RPS6KA2: variants seen among roughly 807,000 people sequenced by gnomAD.
RPS6KA2 encodes ribosomal protein S6 kinase A2, also known as ribosomal protein S6 kinase alpha-2.
RPS6KA2 carries 42 observed loss-of-function variants against 91.8 expected under a neutral mutation model. The observed-to-expected ratio is 0.46, with a 90% CI of 0.36 to 0.59. The LOEUF (loss-of-function observed/expected upper bound fraction) is 0.59, where lower values mean the gene tolerates loss of function less well. Ranked by LOEUF, RPS6KA2 falls within the 20% of genes least tolerant of loss-of-function variation. The pLI is 0.00. For missense variants in RPS6KA2, 798 were observed against 978.5 expected (o/e 0.82, Z 2.46); for synonymous variants, 414 against 393.6 (o/e 1.05, Z -0.61).
At chr6:166,481,817 C>T (rs1191373819) in intron 10 of RPS6KA2, among the ~76,000 whole-genome samples, 3 of 132,960 alleles carry the variant, frequency 2.3e-5, no homozygotes, top group Admixed American at 7.5e-5. Flanking sequence ...TGGCAGACTG[C>T]AGGTATACCT....
intron 6 of RPS6KA2, among the ~76,000 whole-genome samples, chr6:166,501,246 C>A (rs1049433809): frequency 6.6e-6 from 1 of 152,220 alleles, no homozygotes; most frequent in Non-Finnish European, 1.5e-5. Context: ...GACTGCTGTG[C>A]GCAAAGCATA....
intron 2 of RPS6KA2, among the ~76,000 whole-genome samples, chr6:166,851,124 T>G (rs1780729061): frequency 6.6e-6 from 1 of 152,132 alleles, no homozygotes; most frequent in South Asian, 2.1e-4. Context: ...CTAACAGACC[T>G]CCTGCCCACT....
chr6:166,659,728 G>A (rs1158096279), intron 2 of RPS6KA2, among the ~76,000 whole-genome samples: 2 of 152,122 alleles, frequency 1.3e-5, no homozygotes, highest in South Asian at 2.1e-4. Flanking sequence ...AGCGCTGGAC[G>A]GCGTGGTGGC....
At position 166,770,809 on chromosome 6, in the gene RPS6KA2, A is replaced by T; in HGVS notation, c.123+87391T>A. 6.7e-7 allele frequency: 1 copy of T among 1,500,536 alleles called. No homozygotes were observed. Among genetic ancestry groups the T allele is most frequent in the South Asian group, 1.2e-5 (1 of 82,862 alleles). 93.0% of individuals were successfully genotyped at this position (1,500,536 alleles called of 1,614,324 possible). A position where few individuals can be genotyped will look rare whatever the true frequency, so the allele number is the denominator to read the frequency against. ...AGACTTCATGTTTAACTTAAAAAAAAAATGTAACTCACATAAGCATGGAAA... is the reference window on the plus strand; with the variant it reads ...AGACTTCATGTTTAACTTAAAAAAATAATGTAACTCACATAAGCATGGAAA... On this transcript the variant is annotated intron_variant, in intron 2 of 21. Coordinates refer to the RPS6KA2 transcript ENST00000503859. The surrounding 1 kb of genome is among the most constrained non-coding windows in gnomAD (Gnocchi z 5.1).
intron 3 of RPS6KA2, among the ~76,000 whole-genome samples, chr6:166,521,452 C>T (rs184284252): frequency 6.6e-6 from 1 of 152,340 alleles, no homozygotes; most frequent in East Asian, 1.9e-4. Flanking sequence ...CTTGAGGTTC[C>T]ATGTTATTTT....
chr6:166,510,809 G>A (rs1030926331), intron 3 of RPS6KA2, among the ~76,000 whole-genome samples: 1 of 151,412 alleles, frequency 6.6e-6, no homozygotes, highest in Non-Finnish European at 1.5e-5. Context: ...TCGTTTTCCC[G>A]ACCTAGGATC....
chr6:166,696,261 G>A (rs757482833), intron 2 of RPS6KA2, among the ~76,000 whole-genome samples: 1 of 152,124 alleles, frequency 6.6e-6, no homozygotes, highest in Non-Finnish European at 1.5e-5. Context: ...TAGTCTATCA[G>A]CTGGGTGCGG....
chr6:166,478,990 C>G (rs1340164632), intron 10 of RPS6KA2, among the ~76,000 whole-genome samples: 1 of 152,230 alleles, frequency 6.6e-6, no homozygotes. Flanking sequence ...GAGCACCTGG[C>G]TCTCGCTTCA....
At chr6:166,496,088 C>T (rs558052828) in intron 8 of RPS6KA2, among the ~76,000 whole-genome samples, 1 of 152,300 alleles carries the variant, frequency 6.6e-6, no homozygotes, top group Admixed American at 6.5e-5. Context: ...TGGTGGCTCA[C>T]GCCTGCAACC....
chr6:166,810,827 C>G lies in RPS6KA2; in HGVS notation c.123+47373G>C, dbSNP rs1305776170. Among the ~76,000 whole-genome samples the G allele has an allele frequency of 8.5e-5, 13 of 152,220 alleles. No homozygotes were observed. In the East Asian group the frequency reaches 2.5e-3, roughly 29 times the overall value. ...CCCAGGCTCAGGGAATAAGCTGCCTCTTTCTGATCCTCAAAACATAACAAG... is the reference window on the plus strand; with the variant it reads ...CCCAGGCTCAGGGAATAAGCTGCCTGTTTCTGATCCTCAAAACATAACAAG... On this transcript the variant is annotated intron_variant, in intron 2 of 21. Coordinates refer to the RPS6KA2 transcript ENST00000503859.
At chr6:166,815,196 A>G (rs1357343953) in intron 2 of RPS6KA2, among the ~76,000 whole-genome samples, 14 of 152,228 alleles carry the variant, frequency 9.2e-5, no homozygotes, top group Admixed American at 9.2e-4. Flanking sequence ...TGAAACATGA[A>G]TTTAAGAACT....
At chr6:166,745,299 G>A (rs187215145) in intron 2 of RPS6KA2, among the ~76,000 whole-genome samples, 2 of 152,140 alleles carry the variant, frequency 1.3e-5, no homozygotes, top group African/African-American at 2.4e-5. Flanking sequence ...TTTCAGGTGT[G>A]TGCCACCATG....
chr6:166,561,634 T>C (rs1221849074), intron 1 of RPS6KA2, among the ~76,000 whole-genome samples: 2 of 151,938 alleles, frequency 1.3e-5, no homozygotes, highest in African/African-American at 2.4e-5. Context: ...TATTAGGAAC[T>C]AGGCTGCTTG....
intron 2 of RPS6KA2, among the ~76,000 whole-genome samples, chr6:166,649,851 T>A (rs1562364364): frequency 6.6e-6 from 1 of 152,192 alleles, no homozygotes; most frequent in Non-Finnish European, 1.5e-5. Context: ...CTACCAGGAC[T>A]GCAGGGCTGT....
intron 2 of RPS6KA2, among the ~76,000 whole-genome samples, chr6:166,792,266 A>C (rs1375875127): frequency 1.3e-5 from 2 of 152,240 alleles, no homozygotes. Context: ...GAAATGGATA[A>C]ATTCCTGGAC....
rs181910782 is a variant in RPS6KA2, at chr6:166,419,102, C to G, written c.1821-760G>C. 6.6e-6 allele frequency among the ~76,000 whole-genome samples: 1 copy of G among 152,320 alleles called. No individual in the cohort carries two copies. Among genetic ancestry groups the G allele is most frequent in the Admixed American group, 6.5e-5 (1 of 15,296 alleles). ...TTCTGCTGTGGACACTACCTGTTGA[C>G]TTATGATGAAATAAGTGAAAAGCAG... On this transcript the variant is annotated intron_variant, in intron 18 of 20. Coordinates refer to ENST00000265678, the MANE Select transcript of RPS6KA2 (RefSeq NM_021135.6). The surrounding 1 kb of genome is among the most constrained non-coding windows in gnomAD (Gnocchi z 5.6).
intron 19 of RPS6KA2, among the ~76,000 whole-genome samples, chr6:166,414,559 T>C (rs1778433328): frequency 6.6e-6 from 1 of 152,254 alleles, no homozygotes; most frequent in Non-Finnish European, 1.5e-5. Context: ...GAGTACTTGG[T>C]TACAGTGTGA....
intron 2 of RPS6KA2, among the ~76,000 whole-genome samples, chr6:166,802,082 C>A (rs1489041969): frequency 6.6e-6 from 1 of 151,762 alleles, no homozygotes; most frequent in Non-Finnish European, 1.5e-5. Context: ...ACGGTGAAAC[C>A]CCATCTCTAC....
intron 2 of RPS6KA2, among the ~76,000 whole-genome samples, chr6:166,780,609 C>A (rs75486799): frequency 0.011 from 1,697 of 152,282 alleles, 30 homozygotes; most frequent in African/African-American, 0.035. Context: ...CCCAGAGGAG[C>A]TGGAGAACCA....
Sources: allele counts gnomAD v4.1 joint callset (sites outside exome capture counted in the v4.1 genomes callset), GRCh38; gene constraint gnomAD v4.1.1; non-coding constraint Gnocchi (gnomAD v3.1); transcripts MANE v1.5; gene names NCBI Gene and HGNC (gene_info 2026-07-23, HGNC 2026-07-21).